The following CDK14 variants were observed in gnomAD, a reference collection of about 807,000 sequenced individuals.
CDK14 encodes the protein cyclin-dependent kinase 14.
CDK14 carries 34 observed loss-of-function variants against 60.7 expected under a neutral mutation model. That is an observed-to-expected ratio of 0.56 (90% CI 0.43 to 0.75). The LOEUF (loss-of-function observed/expected upper bound fraction) is 0.75. Ranked by LOEUF, CDK14 falls within the 30% of genes least tolerant of loss-of-function variation. CDK14 has a pLI of 0.00. For synonymous variants in CDK14, 197 were observed against 203.7 expected, an observed-to-expected ratio of 0.97 and a Z score of 0.28; for missense variants, 482 against 564.1, an observed-to-expected ratio of 0.85 and a Z score of 1.47.
At chr7:91,045,112 GA>G (rs1797196334) in intron 10 of CDK14, among the ~76,000 whole-genome samples, 1 of 152,096 alleles carries the variant, frequency 6.6e-6, no homozygotes, top group African/African-American at 2.4e-5. Context: ...TCTTAACCCT[GA>G]ATCTCCCCTT....
intron 12 of CDK14, among the ~76,000 whole-genome samples, chr7:91,098,678 CAT>C (rs1022329285): frequency 4.6e-5 from 7 of 152,190 alleles, no homozygotes; most frequent in South Asian, 2.1e-4. Flanking sequence ...AGGAAATAAA[CAT>C]GTGAAGAAAG....
At chr7:90,826,958 A>T (rs1789746167) in intron 5 of CDK14, among the ~76,000 whole-genome samples, 1 of 23,512 alleles carries the variant, frequency 4.3e-5, no homozygotes, top group Non-Finnish European at 7.0e-5. Context: ...TGACAAGTGC[A>T]TGATGTATTT....
chr7:90,961,824 C>A (rs1052086054), intron 9 of CDK14, among the ~76,000 whole-genome samples: 10 of 152,100 alleles, frequency 6.6e-5, no homozygotes, highest in African/African-American at 2.4e-4. Context: ...TTAGGATGAC[C>A]CTGTATTTTA....
At chr7:90,985,952 C>CA (rs1795362466) in intron 10 of CDK14, among the ~76,000 whole-genome samples, 1 of 151,844 alleles carries the variant, frequency 6.6e-6, no homozygotes, top group Non-Finnish European at 1.5e-5. Flanking sequence ...ATGGAAAATT[C>CA]CTACAGTGTC....
Position 90,628,962 on chromosome 7 carries a change from C to T in CDK14, c.123+24713C>T, listed in dbSNP as rs369928742. On this transcript the variant is annotated intron_variant, in intron 2 of 14. Transcript: ENST00000380050. ...GTTGATGACTCTGGTCCAGAGACCA[C>T]GTAGAGATCTAGTATATGATAGCAA... 5.9e-5 allele frequency among the ~76,000 whole-genome samples: 9 copies of T among 151,278 alleles called. No homozygotes were observed. The South Asian group carries it at 1.5e-3, about 25-fold the overall frequency.
intron 1 of CDK14, among the ~76,000 whole-genome samples, chr7:90,601,368 T>G (rs1799309798): frequency 6.6e-6 from 1 of 152,220 alleles, no homozygotes; most frequent in African/African-American, 2.4e-5. Flanking sequence ...CTTAAGTTGG[T>G]CTTTGTTGTC....
At chr7:90,965,243 C>G (rs564225297) in intron 9 of CDK14, among the ~76,000 whole-genome samples, 1 of 152,304 alleles carries the variant, frequency 6.6e-6, no homozygotes, top group East Asian at 1.9e-4. Context: ...CTTCCCCACC[C>G]TCTTCTGTCC....
At chr7:91,130,769 A>G (rs1401283260) in intron 14 of CDK14, among the ~76,000 whole-genome samples, 1 of 152,148 alleles carries the variant, frequency 6.6e-6, no homozygotes, top group Non-Finnish European at 1.5e-5. Context: ...CTTTTACTGT[A>G]TATTAATCTT....
chr7:90,813,748 C>CA (rs202226246), intron 5 of CDK14, among the ~76,000 whole-genome samples: 4,135 of 135,218 alleles, frequency 0.031, 65 homozygotes, highest in Non-Finnish European at 0.035. Flanking sequence ...GACTCTGTCT[C>CA]AAAAAAAAAA....
chr7:90,945,597 G>A (rs757356217), intron 8 of CDK14, among the ~76,000 whole-genome samples: 2 of 152,192 alleles, frequency 1.3e-5, no homozygotes, highest in Non-Finnish European at 2.9e-5. Flanking sequence ...GAAGCCAGGA[G>A]AACAAATATA....
At chr7:90,941,349 G>T (rs904471935) in intron 8 of CDK14, among the ~76,000 whole-genome samples, 1 of 152,164 alleles carries the variant, frequency 6.6e-6, no homozygotes, top group African/African-American at 2.4e-5. Context: ...AGCATCTGCT[G>T]TACCCACTGC....
At chr7:91,050,791 T>C (rs1797369356) in intron 11 of CDK14, among the ~76,000 whole-genome samples, 1 of 152,052 alleles carries the variant, frequency 6.6e-6, no homozygotes, top group Non-Finnish European at 1.5e-5. Context: ...CTCAAGAAGC[T>C]TCCAATCAGG....
chr7:90,888,553 CGTTA>C (rs929658735), intron 6 of CDK14, among the ~76,000 whole-genome samples: 27 of 152,164 alleles, frequency 1.8e-4, no homozygotes, highest in African/African-American at 5.3e-4. Context: ...TTCTCTCTTC[CGTTA>C]GTTCTTTGTT....
chr7:91,066,742 A>T (rs532731292), intron 11 of CDK14, among the ~76,000 whole-genome samples: 1 of 152,190 alleles, frequency 6.6e-6, no homozygotes, highest in Non-Finnish European at 1.5e-5. Flanking sequence ...ATGTCAACGA[A>T]TTGCAGTGCT....
At chr7:91,142,066 T>C (rs1043072297) in intron 14 of CDK14, among the ~76,000 whole-genome samples, 3 of 151,598 alleles carry the variant, frequency 2.0e-5, no homozygotes, top group African/African-American at 7.3e-5. Flanking sequence ...CCTCGTGATC[T>C]GCCCACCTGG....
chr7:91,187,992 C>T (rs1053675801), intron 14 of CDK14, among the ~76,000 whole-genome samples: 2 of 152,154 alleles, frequency 1.3e-5, no homozygotes, highest in East Asian at 1.9e-4. Context: ...GCACAACTGC[C>T]GGCATTCATC....
chr7:91,134,883 AAAT>A (rs1800225199), intron 14 of CDK14, among the ~76,000 whole-genome samples: 2 of 152,116 alleles, frequency 1.3e-5, no homozygotes, highest in African/African-American at 2.4e-5. Flanking sequence ...TCTCAAAAAA[AAAT>A]AATAATAATT....
intron 3 of CDK14, among the ~76,000 whole-genome samples, chr7:90,739,296 A>G (rs960886662): frequency 1.3e-5 from 2 of 152,216 alleles, no homozygotes; most frequent in African/African-American, 4.8e-5. Flanking sequence ...AACAGAATAT[A>G]GAATACAACC....
In CDK14 at chr7:90,897,823, C is replaced by T. The variant is rs183741836; in HGVS notation, c.640-1468C>T. ...GCTATCCTATACATAAAAGTATTCC[C>T]ATCTGTACTTAGTTCCTTTTTCTCT... is the stretch of plus-strand genomic sequence containing the variant. On this transcript the variant is annotated intron_variant, in intron 6 of 14. Coordinates refer to ENST00000380050, the MANE Select transcript of CDK14 (RefSeq NM_001287135.2). 1.8e-3 allele frequency among the ~76,000 whole-genome samples: 273 copies of T among 152,088 alleles called. 1 individual carries two copies. Among genetic ancestry groups the T allele is most frequent in the Non-Finnish European group, 3.4e-3 (228 of 67,932 alleles).
Sources: gnomAD v4.1 joint callset for allele counts (sites outside exome capture counted in the v4.1 genomes callset) on GRCh38, gnomAD v4.1.1 for gene constraint, MANE v1.5 for transcripts, NCBI Gene and HGNC (gene_info 2026-07-23, HGNC 2026-07-21) for gene names.